GOLGA1: variants seen among roughly 807,000 people sequenced by gnomAD.
GOLGA1 encodes golgin A1.
GOLGA1 carries 63 observed loss-of-function variants against 119.7 expected under a neutral mutation model. The observed-to-expected ratio is 0.53, with a 90% confidence interval of 0.43 to 0.65. The LOEUF (loss-of-function observed/expected upper bound fraction) is 0.65, where lower values mean the gene tolerates loss of function less well. Among genes scored for constraint, GOLGA1 ranks in the 30% least tolerant of loss-of-function variants. The pLI is 0.00. For synonymous variants in GOLGA1, 318 were observed against 333.4 expected (o/e 0.95, Z 0.50); for missense variants, 798 against 912.8 (o/e 0.87, Z 1.62).
chr9:124,918,094 C>G (rs1010971088), intron 10 of GOLGA1, among the ~76,000 whole-genome samples: 5 of 152,154 alleles, frequency 3.3e-5, no homozygotes, highest in African/African-American at 7.2e-5. Context: ...TCAGGTGATC[C>G]ACCTGCCTCG....
intron 14 of GOLGA1, 68 bp from the exon 15 acceptor site, chr9:124,898,712 T>C (rs1588068425): frequency 1.1e-6 from 1 of 931,580 alleles, no homozygotes. Flanking sequence ...ACAGGGAGCA[T>C]GGACCAGGAA....
intron 10 of GOLGA1, among the ~76,000 whole-genome samples, chr9:124,912,378 G>C (rs936465471): frequency 6.6e-6 from 1 of 151,964 alleles, no homozygotes; most frequent in Non-Finnish European, 1.5e-5. Context: ...GAAAGCTGAG[G>C]GGCTGGATAA....
intron 10 of GOLGA1, among the ~76,000 whole-genome samples, chr9:124,917,582 G>A (rs896119721): frequency 1.3e-5 from 2 of 151,934 alleles, no homozygotes; most frequent in African/African-American, 4.8e-5. Context: ...ATCATCTTAC[G>A]GTCGAACAAC....
In GOLGA1 at chr9:124,899,265, G is replaced by T. The variant is rs530854062; in HGVS notation, c.1311+64C>A. On this transcript the variant is annotated intron_variant, in intron 14 of 22. Transcript: ENST00000373555. ...GGTGGTGACACACTGTCAAGCACGAGGCTGACTTCGCTGTGGGGGACCCTG... is the reference window on the plus strand; with the variant it reads ...GGTGGTGACACACTGTCAAGCACGATGCTGACTTCGCTGTGGGGGACCCTG... 4.1e-5 allele frequency: 59 copies of T among 1,447,678 alleles called. No homozygotes were observed. In the South Asian group the frequency reaches 7.5e-4, roughly 18 times the overall value. 89.7% of individuals were successfully genotyped at this position (1,447,678 alleles called of 1,614,324 possible).
chr9:124,911,806 C>T, intron 11 of GOLGA1, 95 bp downstream of exon 11: 2 of 1,069,534 alleles, frequency 1.9e-6, no homozygotes, highest in Non-Finnish European at 2.8e-6. Flanking sequence ...ATGCTGTTTG[C>T]TGGCCCTACA....
intron 12 of GOLGA1, among the ~76,000 whole-genome samples, chr9:124,905,633 A>G (rs925318807): frequency 5.3e-5 from 8 of 152,142 alleles, no homozygotes; most frequent in African/African-American, 1.7e-4. Context: ...AGAAAATGGA[A>G]TAAGAGGTGG....
chr9:124,889,040 C>A, intron 18 of GOLGA1, 103 bp downstream of exon 18: 1 of 855,064 alleles, frequency 1.2e-6, no homozygotes, highest in Non-Finnish European at 1.8e-6. Flanking sequence ...TGCAGGGGAG[C>A]GTCGTGTCCA....
At chr9:124,894,380 T>TGTGTGTG (rs1829919305) in intron 15 of GOLGA1, among the ~76,000 whole-genome samples, 1 of 147,722 alleles carries the variant, frequency 6.8e-6, no homozygotes, top group Non-Finnish European at 1.5e-5. Flanking sequence ...ATTTAAAGTT[T>TGTGTGTG]TGTGTGTGTG....
chr9:124,913,918 C>A (rs1271762047), intron 10 of GOLGA1, among the ~76,000 whole-genome samples: 1 of 152,148 alleles, frequency 6.6e-6, no homozygotes, highest in Admixed American at 6.5e-5. Context: ...GCAGCACATA[C>A]AAAGAGGTAA....
rs761426461 is a variant in GOLGA1, at chr9:124,881,778, C to T, written c.2136+6G>A. 6.2e-7 allele frequency: 1 copy of T among 1,604,684 alleles called. No homozygotes were observed. The highest frequency in any genetic ancestry group is 1.3e-5 in the African/African-American group (1 of 74,536). ...ATACCCAAAAGACACCTCAAAAGCC[C>T]TTTACCTCGGATTCGCGACAAGACA... On this transcript the variant is annotated splice_donor_region_variant and intron_variant, in intron 21 of 22. Transcript: ENST00000373555. This position sits in a 1 kb window ranked among gnomAD's most constrained non-coding sequence, Gnocchi z 4.9.
rs1394891575 is a variant in GOLGA1 at position 124,899,343 on chromosome 9, C to T, written c.1297G>A (p.Ala433Thr). Reference protein sequence around the residue: ...ERTRAADQTTAEQGMRQLEQE... With the variant: ...ERTRAADQTTTEQGMRQLEQE... Reference sequence around the variant, plus strand: ...TCTTCACTCACCATCCCTTGCTCTGCGGTGGTCTGGTCAGCTGCCCGCGTT... The same window carrying T: ...TCTTCACTCACCATCCCTTGCTCTGTGGTGGTCTGGTCAGCTGCCCGCGTT... The change falls in exon 14 of 23, where the codon GCA becomes ACA. Residue 433 changes from alanine to threonine, a missense_variant. Physicochemically the swap from Ala to Thr is moderately conservative, Grantham distance 58 (BLOSUM62 0). Transcript: ENST00000373555. The T allele has an allele frequency of 4.5e-6, 7 of 1,548,798 alleles. No homozygotes were observed. Among genetic ancestry groups the T allele is most frequent in the African/African-American group, 4.1e-5 (3 of 73,026 alleles).
chr9:124,939,369 T>C (rs1046425945), intron 2 of GOLGA1, among the ~76,000 whole-genome samples: 2 of 152,108 alleles, frequency 1.3e-5, no homozygotes, highest in Non-Finnish European at 2.9e-5. Context: ...AGGTGTAATA[T>C]CCTACTGTTT....
chr9:124,910,173 C>T (rs924046155), intron 11 of GOLGA1, among the ~76,000 whole-genome samples: 1 of 152,136 alleles, frequency 6.6e-6, no homozygotes, highest in Non-Finnish European at 1.5e-5. Context: ...TTGTGATCCG[C>T]CCGCCTCGGC....
chr9:124,919,644 T>C (rs1042319270), intron 10 of GOLGA1, among the ~76,000 whole-genome samples: 2 of 152,212 alleles, frequency 1.3e-5, no homozygotes, highest in Non-Finnish European at 1.5e-5. Context: ...AAGACCTCTA[T>C]TGACAAAATC....
chr9:124,922,963 GATTA>G (rs1830599978), intron 8 of GOLGA1, 128 bp downstream of exon 8: 3 of 565,078 alleles, frequency 5.3e-6, no homozygotes, highest in African/African-American at 2.0e-5. Context: ...ATACAAATAT[GATTA>G]ATATCAAATA....
intron 10 of GOLGA1, 105 bp downstream of exon 10, chr9:124,921,024 G>A (rs1830559018): frequency 2.7e-6 from 2 of 738,408 alleles, no homozygotes; most frequent in Non-Finnish European, 4.9e-6. Flanking sequence ...CATGTGGACT[G>A]CATGAGAAAT....
At chr9:124,931,285 T>C (rs1830766277) in intron 4 of GOLGA1, 31 bp downstream of exon 4, 4 of 1,009,824 alleles carry the variant, frequency 4.0e-6, no homozygotes, top group Non-Finnish European at 6.4e-6. Context: ...AAGTTTCCTG[T>C]TGTTTGCTTT....
intron 12 of GOLGA1, among the ~76,000 whole-genome samples, chr9:124,904,957 A>AT (rs777999010): frequency 2.6e-3 from 335 of 129,434 alleles, no homozygotes; most frequent in Non-Finnish European, 4.9e-3. Context: ...AAAAAAAAAT[A>AT]AATAAAATAA....
In GOLGA1 at chr9:124,888,586, T is replaced by C. The variant is rs1359450341; in HGVS notation, c.1762-190A>G. Among the ~76,000 whole-genome samples the C allele has an allele frequency of 6.6e-6, 1 of 152,170 alleles. No individual in the cohort carries two copies. The highest frequency in any genetic ancestry group is 1.5e-5 in the Non-Finnish European group (1 of 68,024). On this transcript the variant is annotated intron_variant, in intron 18 of 22. Transcript: ENST00000373555. This position sits in a 1 kb window ranked among gnomAD's most constrained non-coding sequence, Gnocchi z 4.4. ...CCACAACTAATCACACGACTAGTCT[T>C]TGCTGGGATGAAGGGGCTTGCTCTC...
Sources: allele counts gnomAD v4.1 joint callset (sites outside exome capture counted in the v4.1 genomes callset), GRCh38; gene constraint gnomAD v4.1.1; non-coding constraint Gnocchi (gnomAD v3.1); transcripts MANE v1.5; gene names NCBI Gene and HGNC (gene_info 2026-07-23, HGNC 2026-07-21).